The following PDE4D variants were observed in gnomAD, a reference collection of about 807,000 sequenced individuals.
PDE4D encodes the protein phosphodiesterase 4D, also known as 3',5'-cyclic-AMP phosphodiesterase 4D.
A neutral mutation model predicts 87.4 loss-of-function variants in PDE4D; 24 were observed. The observed-to-expected ratio is 0.27, with a 90% CI of 0.20 to 0.39. The LOEUF (loss-of-function observed/expected upper bound fraction) is 0.39. PDE4D is among the 10% of genes least tolerant of loss of function. PDE4D has a pLI of 1.00. For missense variants in PDE4D, 714 were observed against 1,041.0 expected (o/e 0.69, Z 4.32); for synonymous variants, 384 against 383.2 (o/e 1.00, Z -0.02).
intron 1 of PDE4D, among the ~76,000 whole-genome samples, chr5:60,322,413 C>A (rs201939943): frequency 0.037 from 5,163 of 138,270 alleles, 141 homozygotes; most frequent in East Asian, 0.13. Context: ...CACACACACA[C>A]ACAAAACCCT....
intron 1 of PDE4D, among the ~76,000 whole-genome samples, chr5:60,504,943 C>CT (rs1750258938): frequency 6.6e-6 from 1 of 152,152 alleles, no homozygotes; most frequent in African/African-American, 2.4e-5. Flanking sequence ...CATCTGTCTG[C>CT]ATGTAGGTGA....
chr5:60,465,457 G>A (rs76640722), intron 1 of PDE4D, among the ~76,000 whole-genome samples: 2,846 of 152,196 alleles, frequency 0.019, 74 homozygotes, highest in African/African-American at 0.066. Flanking sequence ...GGAAGGATGT[G>A]CATGGTGACA....
At chr5:60,490,063 A>C (rs900430528), upstream of PDE4D, 2 of 152,220 alleles carry the variant, frequency 1.3e-5, no homozygotes, top group African/African-American at 4.8e-5. Flanking sequence ...GCTTTTGTAC[A>C]TTCTCTGTGT....
intron 1 of PDE4D, among the ~76,000 whole-genome samples, chr5:60,303,458 G>A (rs573043523): frequency 5.3e-5 from 8 of 151,958 alleles, no homozygotes; most frequent in African/African-American, 1.9e-4. Context: ...ACAGGCGCGC[G>A]CCACCACGCC....
rs186189499 is a variant in PDE4D, at chr5:59,244,003, G to T, written c.456-28035C>A. 4.7e-4 allele frequency among the ~76,000 whole-genome samples: 71 copies of T among 152,130 alleles called. 1 individual carries two copies. The highest frequency in any genetic ancestry group is 3.1e-3 in the Admixed American group (48 of 15,264). On this transcript the variant is annotated intron_variant, in intron 1 of 14. Transcript: ENST00000340635. ...AACAATGAAAGAATGGCTAAATATT[G>T]AATAAATCATTTTATTACATGTAAA...
intron 3 of PDE4D, chr5:59,986,949 T>G (rs188558162): frequency 6.6e-6 from 1 of 152,200 alleles, no homozygotes; most frequent in South Asian, 2.1e-4. Flanking sequence ...AGGAATTAAG[T>G]GTATCTTGTC....
chr5:59,731,501 A>C (rs2150606216), intron 1 of PDE4D, among the ~76,000 whole-genome samples: 1 of 152,264 alleles, frequency 6.6e-6, no homozygotes, highest in African/African-American at 2.4e-5. Flanking sequence ...CACAAGACCA[A>C]CAAACCCTTA....
intron 1 of PDE4D, among the ~76,000 whole-genome samples, chr5:60,357,704 T>C (rs931382336): frequency 7.2e-5 from 11 of 152,176 alleles, no homozygotes; most frequent in African/African-American, 2.7e-4. Context: ...AAGCTTTGGG[T>C]TATATTATTC....
chr5:60,417,640 A>G (rs1742723010), intron 1 of PDE4D, among the ~76,000 whole-genome samples: 1 of 152,194 alleles, frequency 6.6e-6, no homozygotes, highest in South Asian at 2.1e-4. Flanking sequence ...GAATCTCAAC[A>G]TGGGAGGATG....
intron 1 of PDE4D, among the ~76,000 whole-genome samples, chr5:59,767,679 G>T (rs1762974031): frequency 6.6e-6 from 1 of 152,160 alleles, no homozygotes; most frequent in African/African-American, 2.4e-5. Context: ...TTTCTGCGTA[G>T]AATTCCTAAT....
chr5:59,417,256 A>G (rs1029783154), intron 1 of PDE4D, among the ~76,000 whole-genome samples: 2 of 152,198 alleles, frequency 1.3e-5, no homozygotes, highest in Admixed American at 1.3e-4. Flanking sequence ...GATTATAGCA[A>G]TGAGGTGCTC....
intron 1 of PDE4D, among the ~76,000 whole-genome samples, chr5:60,326,999 T>C (rs1164097868): frequency 6.6e-6 from 1 of 152,154 alleles, no homozygotes; most frequent in Non-Finnish European, 1.5e-5. Context: ...CTGAGAGTTA[T>C]TACAATTTCT....
intron 1 of PDE4D, among the ~76,000 whole-genome samples, chr5:60,280,983 T>C (rs1751835036): frequency 6.6e-6 from 1 of 152,206 alleles, no homozygotes; most frequent in Admixed American, 6.5e-5. Flanking sequence ...TGAAACACAC[T>C]GCCTGCTGAC....
chr5:60,335,484 C>A (rs1202700271), intron 1 of PDE4D, among the ~76,000 whole-genome samples: 1 of 152,168 alleles, frequency 6.6e-6, no homozygotes, highest in Non-Finnish European at 1.5e-5. Flanking sequence ...GAGAAAGACA[C>A]TCTTGAGCAG....
At position 59,417,718 on chromosome 5, in the gene PDE4D, C is replaced by A. The variant is rs879580404; in HGVS notation, c.456-201750G>T. ...TTCCAAAATTATGTAGTTCTATCCA[C>A]AGCCAACAAATCTCTAACAATTATG... On this transcript the variant is annotated intron_variant, in intron 1 of 14. Transcript: ENST00000340635. Among the ~76,000 whole-genome samples the A allele has an allele frequency of 1.1e-4, 16 of 152,130 alleles. 1 individual carries two copies. Among genetic ancestry groups the A allele is most frequent in the Non-Finnish European group, 2.2e-4 (15 of 68,018 alleles).
chr5:59,791,676 G>T (rs1054873673), intron 1 of PDE4D, among the ~76,000 whole-genome samples: 2 of 152,122 alleles, frequency 1.3e-5, no homozygotes, highest in African/African-American at 2.4e-5. Flanking sequence ...CCCTGTAAGG[G>T]TTAAAAATAA....
chr5:59,244,738 C>T lies in PDE4D; in HGVS notation c.456-28770G>A, dbSNP rs550267390. On this transcript the variant is annotated intron_variant, in intron 1 of 14. Coordinates refer to ENST00000340635, the MANE Select transcript of PDE4D (RefSeq NM_001104631.2). ...TGTGTGTGTGTATAGAGAGACCGAC[C>T]TGATTTCATCTGGCACATAATAGGA... is the stretch of plus-strand genomic sequence containing the variant. Among the ~76,000 whole-genome samples, 51 of 133,508 alleles carry T rather than the reference C, an allele frequency of 3.8e-4. 1 individual carries two copies. The highest frequency in any genetic ancestry group is 3.8e-3 in the Admixed American group (48 of 12,670). 87.6% of individuals were successfully genotyped at this position (133,508 alleles called of 152,430 possible).
chr5:59,458,474 C>A (rs1231764729), intron 1 of PDE4D, among the ~76,000 whole-genome samples: 1 of 152,192 alleles, frequency 6.6e-6, no homozygotes, highest in African/African-American at 2.4e-5. Context: ...AGAGGACATA[C>A]CACTGAAACA....
intron 5 of PDE4D, among the ~76,000 whole-genome samples, chr5:59,061,390 T>G (rs1418043275): frequency 1.3e-5 from 2 of 152,140 alleles, no homozygotes; most frequent in Non-Finnish European, 2.9e-5. Flanking sequence ...TCTTATTTAT[T>G]ACCAAATCCC....
Sources: allele counts gnomAD v4.1 joint callset (sites outside exome capture counted in the v4.1 genomes callset), GRCh38; gene constraint gnomAD v4.1.1; transcripts MANE v1.5; gene names NCBI Gene and HGNC (gene_info 2026-07-23, HGNC 2026-07-21).